Variants in EFL1 observed in about 807,000 individuals in gnomAD.
EFL1 encodes the protein elongation factor-like GTPase 1.
In EFL1, 76 loss-of-function variants were observed where a neutral mutation model predicts 126.7. The ratio of observed to expected loss-of-function variants is 0.60; its 90% confidence interval spans 0.50 to 0.73. The LOEUF (loss-of-function observed/expected upper bound fraction) is 0.73, where lower values mean the gene tolerates loss of function less well. Ranked by LOEUF, EFL1 falls within the 30% of genes least tolerant of loss-of-function variation. The pLI is 0.00. For synonymous variants in EFL1, 410 were observed against 448.4 expected, an observed-to-expected ratio of 0.91 and a Z score of 1.08; for missense variants, 1,128 against 1,343.2, an observed-to-expected ratio of 0.84 and a Z score of 2.50.
intron 15 of EFL1, among the ~76,000 whole-genome samples, chr15:82,200,847 A>G (rs1020783684): frequency 6.6e-6 from 1 of 152,200 alleles, no homozygotes; most frequent in Non-Finnish European, 1.5e-5. Flanking sequence ...TTCACTTCTA[A>G]AGAAATATTT....
At chr15:82,140,161 TC>T (rs35945508) in intron 18 of EFL1, among the ~76,000 whole-genome samples, 1 of 152,166 alleles carries the variant, frequency 6.6e-6, no homozygotes, top group Admixed American at 6.5e-5. Context: ...CTTGTCTACT[TC>T]CCCAGCTAGC....
chr15:82,195,899 T>G (rs1032029767), intron 15 of EFL1, among the ~76,000 whole-genome samples: 12 of 151,990 alleles, frequency 7.9e-5, no homozygotes, highest in Non-Finnish European at 1.5e-5. Flanking sequence ...TGTAAAGGAA[T>G]CAATGTTCTA....
At chr15:82,258,504 A>T (rs894770141) in intron 3 of EFL1, among the ~76,000 whole-genome samples, 2 of 152,208 alleles carry the variant, frequency 1.3e-5, no homozygotes, top group Non-Finnish European at 2.9e-5. Context: ...TGAGCCGTGC[A>T]TGATCACACC....
intron 15 of EFL1, among the ~76,000 whole-genome samples, chr15:82,202,214 C>T (rs1413853704): frequency 2.6e-5 from 4 of 152,160 alleles, no homozygotes; most frequent in African/African-American, 4.8e-5. Flanking sequence ...TGCTGGACGA[C>T]GTCTTTCAGA....
intron 3 of EFL1, among the ~76,000 whole-genome samples, chr15:82,258,112 T>C (rs529418300): frequency 6.6e-6 from 1 of 152,334 alleles, no homozygotes; most frequent in South Asian, 2.1e-4. Flanking sequence ...TCCTCTTCTC[T>C]CTATTCTCTG....
chr15:82,210,890 G>T (rs1273643074), intron 15 of EFL1, among the ~76,000 whole-genome samples: 1 of 149,742 alleles, frequency 6.7e-6, no homozygotes. Context: ...TAGACACCAC[G>T]TGGAAGAGAC....
At chr15:82,175,538 G>A (rs1356765511) in intron 15 of EFL1, among the ~76,000 whole-genome samples, 1 of 152,136 alleles carries the variant, frequency 6.6e-6, no homozygotes, top group African/African-American at 2.4e-5. Flanking sequence ...CAATATGAAT[G>A]GGGTTTTATA....
intron 12 of EFL1, among the ~76,000 whole-genome samples, chr15:82,220,981 C>T (rs1203970986): frequency 2.0e-5 from 3 of 152,102 alleles, no homozygotes; most frequent in Non-Finnish European, 4.4e-5. Context: ...GACTTGGCTC[C>T]CTTCCCACGT....
chr15:82,226,097 T>C (rs1349852507), intron 11 of EFL1, among the ~76,000 whole-genome samples: 3 of 152,200 alleles, frequency 2.0e-5, no homozygotes, highest in African/African-American at 7.2e-5. Context: ...TTGTCTGCAA[T>C]AGTTGAGAAA....
At chr15:82,179,342 T>C (rs2074225445) in intron 15 of EFL1, among the ~76,000 whole-genome samples, 1 of 151,816 alleles carries the variant, frequency 6.6e-6, no homozygotes, top group South Asian at 2.1e-4. Context: ...TTAACATGAA[T>C]TTTTTTTTAA....
intron 15 of EFL1, among the ~76,000 whole-genome samples, chr15:82,196,066 G>A (rs1369595557): frequency 6.6e-6 from 1 of 152,176 alleles, no homozygotes; most frequent in East Asian, 1.9e-4. Context: ...CGTGTACCGA[G>A]ACACAGAGGC....
intron 4 of EFL1, among the ~76,000 whole-genome samples, chr15:82,245,315 T>C (rs899128980): frequency 6.6e-6 from 1 of 151,944 alleles, no homozygotes; most frequent in Non-Finnish European, 1.5e-5. Flanking sequence ...GTAACTTTTA[T>C]TTTTTGTAGA....
chr15:82,186,171 A>G (rs2074301482), intron 15 of EFL1, among the ~76,000 whole-genome samples: 1 of 152,002 alleles, frequency 6.6e-6, no homozygotes, highest in South Asian at 2.1e-4. Flanking sequence ...AGCAAAGGCT[A>G]GCTTTTTATA....
At chr15:82,199,363 CGA>C (rs1193917754) in intron 15 of EFL1, among the ~76,000 whole-genome samples, 1 of 152,104 alleles carries the variant, frequency 6.6e-6, no homozygotes, top group African/African-American at 2.4e-5. Flanking sequence ...CACAAATATC[CGA>C]GAGTAAGAAG....
chr15:82,167,290 T>C (rs930760040), intron 15 of EFL1, among the ~76,000 whole-genome samples: 5 of 152,174 alleles, frequency 3.3e-5, no homozygotes, highest in African/African-American at 1.2e-4. Flanking sequence ...TTTTTCTCTA[T>C]ACAACAAATA....
At chr15:82,209,976 C>T (rs932918465) in intron 15 of EFL1, among the ~76,000 whole-genome samples, 2 of 152,108 alleles carry the variant, frequency 1.3e-5, no homozygotes, top group South Asian at 4.1e-4. Flanking sequence ...TTACTGACTC[C>T]GTATCATTTA....
chr15:82,219,783 G>A lies in EFL1; in HGVS notation c.1480C>T (p.Pro494Ser), dbSNP rs2074689826. Residue 494 changes from proline to serine, a missense_variant, in exon 14 of 20, where the codon CCT (proline) becomes TCT (serine). Around this residue, in one of 6 missense-constraint regions of EFL1, gnomAD observed 120 missense variants for 142.1 expected, o/e 0.84. Transcript: ENST00000268206. ...TGGTTGTTTTCTTCCTGGAGCACAGGTTTAGGGGTCATACTTTCCACCTGT... is the reference window on the plus strand; with the variant it reads ...TGGTTGTTTTCTTCCTGGAGCACAGATTTAGGGGTCATACTTTCCACCTGT... ...EQQVESMTPKPVLQEENNQES... is the reference protein window; with the variant it reads ...EQQVESMTPKSVLQEENNQES... 1 of 1,613,338 alleles carries A rather than the reference G, an allele frequency of 6.2e-7. No homozygotes were observed. The highest frequency in any genetic ancestry group is 8.5e-7 in the Non-Finnish European group (1 of 1,179,826).
At chr15:82,232,154 A>T (rs2074828930) in intron 7 of EFL1, among the ~76,000 whole-genome samples, 1 of 152,204 alleles carries the variant, frequency 6.6e-6, no homozygotes. Flanking sequence ...ACCACTGTGG[A>T]CTGACTTCCC....
chr15:82,182,614 G>A (rs1226518391), intron 15 of EFL1, among the ~76,000 whole-genome samples: 2 of 152,026 alleles, frequency 1.3e-5, no homozygotes. Context: ...ACGAGATCAG[G>A]AGATCGAGAC....
Sources: allele counts gnomAD v4.1 joint callset (sites outside exome capture counted in the v4.1 genomes callset), GRCh38; gene constraint gnomAD v4.1.1; regional missense constraint gnomAD v4.1.1; transcripts MANE v1.5; gene names NCBI Gene and HGNC (gene_info 2026-07-23, HGNC 2026-07-21).